Variants in PCDHGA9 observed in about 807,000 individuals in gnomAD.
PCDHGA9 encodes protocadherin gamma subfamily A, 9.
Under a neutral mutation model 62.5 loss-of-function variants are expected in PCDHGA9, and 37 were observed. That is an observed-to-expected ratio of 0.59 (90% CI 0.46 to 0.78). The LOEUF is 0.78. PCDHGA9 is among the 30% of genes least tolerant of loss of function. PCDHGA9 has a pLI of 0.00. For missense variants in PCDHGA9, 1,138 were observed against 1,166.2 expected (o/e 0.98, Z 0.35); for synonymous variants, 459 against 484.6 (o/e 0.95, Z 0.69).
At chr5:141,410,818 T>C (rs567397835) in intron 1 of PCDHGA9, 1 of 556,016 alleles carries the variant, frequency 1.8e-6, no homozygotes, top group African/African-American at 2.1e-5. Context: ...TGTAAAATAA[T>C]GTCACCAGAC....
In PCDHGA9 at chr5:141,485,115, G is replaced by T. The variant is rs1043877839; in HGVS notation, c.2425-9692G>T. On this transcript the variant is annotated intron_variant, in intron 1 of 3. Transcript: ENST00000573521. This position sits in a 1 kb window ranked among gnomAD's most constrained non-coding sequence, Gnocchi z 5.7. ...GTGTCTCCAGCTGCTGTGGCTGTTT[G>T]GGGCGGGTCGGCTTCATCCGCGTCT... The T allele has an allele frequency of 3.8e-6, 5 of 1,300,464 alleles. No homozygotes were observed. The African/African-American group carries it at 5.8e-5, about 15-fold the overall frequency. The allele number at this position is 1,300,464 out of a possible 1,614,324, so 80.6% of individuals were successfully genotyped here.
rs2096665320 is a variant in PCDHGA9 at position 141,422,696 on chromosome 5, A to G, written c.2424+17320A>G. The G allele has an allele frequency of 3.1e-6, 5 of 1,602,638 alleles. No homozygotes were observed. The highest frequency in any genetic ancestry group is 4.3e-6 in the Non-Finnish European group (5 of 1,174,110). On this transcript the variant is annotated intron_variant, in intron 1 of 3. Coordinates refer to ENST00000573521, the MANE Select transcript of PCDHGA9 (RefSeq NM_018921.3). Reference sequence around the variant, plus strand: ...AGCAAACAGAATGCCCTGGTCACTTACTCTCTGACGGATGACACTGTCCAG... The same window carrying G: ...AGCAAACAGAATGCCCTGGTCACTTGCTCTCTGACGGATGACACTGTCCAG...
chr5:141,468,899 T>C (rs1051519139), intron 1 of PCDHGA9, among the ~76,000 whole-genome samples: 2 of 151,550 alleles, frequency 1.3e-5, no homozygotes, highest in Non-Finnish European at 2.9e-5. Flanking sequence ...GGTACTAATA[T>C]GATCCAGACT....
At chr5:141,510,534 C>T (rs1187165551) in intron 3 of PCDHGA9, among the ~76,000 whole-genome samples, 2 of 152,126 alleles carry the variant, frequency 1.3e-5, no homozygotes, top group African/African-American at 2.4e-5. Context: ...AGAGAAATAC[C>T]AGCGAATGTG....
rs934674909 is a variant in PCDHGA9, at chr5:141,511,083, A to C, written c.2709A>C (p.Thr903=). Residue 903 remains threonine, a synonymous_variant, in exon 4 of 4, where the codon ACA becomes ACC. Transcript: ENST00000573521. The part of the protein sequence containing the change: ...QNVYIPGSNA[T]LTNAAGKRDG... Reference sequence around the variant, plus strand: ...TCTACATCCCAGGCAGCAATGCCACACTGACCAACGCAGCTGGCAAGCGGG... The same window carrying C: ...TCTACATCCCAGGCAGCAATGCCACCCTGACCAACGCAGCTGGCAAGCGGG... 1.2e-6 allele frequency: 2 copies of C among 1,614,108 alleles called. No homozygotes were observed. Among genetic ancestry groups the C allele is most frequent in the African/African-American group, 2.7e-5 (2 of 74,940 alleles).
intron 1 of PCDHGA9, among the ~76,000 whole-genome samples, chr5:141,450,061 C>A (rs1219642208): frequency 7.2e-6 from 1 of 139,334 alleles, no homozygotes; most frequent in Non-Finnish European, 1.5e-5. Context: ...GGCTGGAATG[C>A]AGTGGTATGA....
intron 1 of PCDHGA9, among the ~76,000 whole-genome samples, chr5:141,434,345 G>C (rs1254991411): frequency 1.3e-5 from 2 of 152,144 alleles, no homozygotes; most frequent in African/African-American, 4.8e-5. Flanking sequence ...GTCGGGAACA[G>C]GCCCCCCAAA....
At chr5:141,413,498 T>G (rs1187570193) in intron 1 of PCDHGA9, 1 of 1,614,026 alleles carries the variant, frequency 6.2e-7, no homozygotes, top group Admixed American at 1.7e-5. Context: ...CGGTGCGTGG[T>G]GAGTTTTAAT....
Position 141,408,587 on chromosome 5 carries a change from C to A in PCDHGA9, c.2424+3211C>A, listed in dbSNP as rs768912219. 3 of 1,613,898 alleles carry A rather than the reference C, an allele frequency of 1.9e-6. No homozygotes were observed. The South Asian group carries it at 3.3e-5, about 18-fold the overall frequency. ...TGTGGTGATTGAGGATGTTAATGACCACGCCCCTCAATTTGATAAAAAGGA... is the reference window on the plus strand; with the variant it reads ...TGTGGTGATTGAGGATGTTAATGACAACGCCCCTCAATTTGATAAAAAGGA... On this transcript the variant is annotated intron_variant, in intron 1 of 3. Transcript: ENST00000573521.
intron 2 of PCDHGA9, among the ~76,000 whole-genome samples, chr5:141,498,971 G>GGGAAGGAA (rs201769957): frequency 0.022 from 2,449 of 111,032 alleles, 52 homozygotes; most frequent in African/African-American, 0.046. Flanking sequence ...GAGGGAGGGA[G>GGGAAGGAA]GGAAGGAAGG....
chr5:141,460,157 C>T (rs1388985005), intron 1 of PCDHGA9, among the ~76,000 whole-genome samples: 1 of 151,968 alleles, frequency 6.6e-6, no homozygotes, highest in Admixed American at 6.6e-5. Context: ...CTCTTTGTCA[C>T]ATACATATTT....
intron 1 of PCDHGA9, among the ~76,000 whole-genome samples, chr5:141,405,839 G>C (rs2094725144): frequency 6.6e-6 from 1 of 152,134 alleles, no homozygotes; most frequent in African/African-American, 2.4e-5. Context: ...AGTATAAGTT[G>C]ATATCAGTGT....
intron 1 of PCDHGA9, among the ~76,000 whole-genome samples, chr5:141,460,983 G>GTA (rs59296681): frequency 9.4e-4 from 130 of 137,840 alleles, no homozygotes; most frequent in Middle Eastern, 3.8e-3. Context: ...GTGTGTGTGT[G>GTA]TATATATATA....
rs768938171 is a variant in PCDHGA9 at position 141,487,276 on chromosome 5, C to T, written c.2425-7531C>T. ...TGGCTGTGTCCCTAGTGGCAATTTG[C>T]TTTGTCTCCTTTGGCTCATTCGTGG... On this transcript the variant is annotated intron_variant, in intron 1 of 3. Transcript: ENST00000573521. The surrounding 1 kb of genome is among the most constrained non-coding windows in gnomAD (Gnocchi z 5.0). The T allele has an allele frequency of 2.5e-6, 4 of 1,614,158 alleles. No homozygotes were observed. The East Asian group carries it at 8.9e-5, about 36-fold the overall frequency.
chr5:141,409,259 T>C lies in PCDHGA9; in HGVS notation c.2424+3883T>C, dbSNP rs370130162. ...CCCAGAAATAATCATCACTTCTCTC[T>C]CTGATCAGATTTTGGAGAATTCACC... is the stretch of plus-strand genomic sequence containing the variant. On this transcript the variant is annotated intron_variant, in intron 1 of 3. Coordinates refer to ENST00000573521, the MANE Select transcript of PCDHGA9 (RefSeq NM_018921.3). The C allele has an allele frequency of 1.9e-6, 3 of 1,614,012 alleles. No individual in the cohort carries two copies. Among genetic ancestry groups the C allele is most frequent in the South Asian group, 2.2e-5 (2 of 91,082 alleles).
In PCDHGA9 at chr5:141,477,531, C is replaced by T. The variant is rs1316982512; in HGVS notation, c.2425-17276C>T. 5 of 1,614,162 alleles carry T rather than the reference C, an allele frequency of 3.1e-6. No homozygotes were observed. Among genetic ancestry groups the T allele is most frequent in the Middle Eastern group, 1.6e-4 (1 of 6,062 alleles). On this transcript the variant is annotated intron_variant, in intron 1 of 3. Transcript: ENST00000573521. This position sits in a 1 kb window ranked among gnomAD's most constrained non-coding sequence, Gnocchi z 4.9. ...GTTTACATTGAAGAAAACAACCTCC[C>T]CGGGGCTCCAATACTAAACCTAAGT... is the stretch of plus-strand genomic sequence containing the variant.
chr5:141,485,109 CTGTT>C lies in PCDHGA9; in HGVS notation c.2425-9695_2425-9692del. ...AGATAGGTGTCTCCAGCTGCTGTGG[CTGTT>C]TGGGGCGGGTCGGCTTCATCCGCGT... On this transcript the variant is annotated intron_variant, in intron 1 of 3. Transcript: ENST00000573521. This position sits in a 1 kb window ranked among gnomAD's most constrained non-coding sequence, Gnocchi z 5.7. 8.1e-7 allele frequency: 1 copy of C among 1,230,964 alleles called. No individual in the cohort carries two copies. Among genetic ancestry groups the C allele is most frequent in the Non-Finnish European group, 1.2e-6 (1 of 850,026 alleles). The allele number at this position is 1,230,964 out of a possible 1,614,324, so 76.3% of individuals were successfully genotyped here.
intron 1 of PCDHGA9, chr5:141,427,834 C>A: frequency 6.5e-7 from 1 of 1,542,566 alleles, no homozygotes; most frequent in Non-Finnish European, 8.9e-7. Flanking sequence ...GCGCAGCGTG[C>A]CTTCGACCAC....
Position 141,491,699 on chromosome 5 carries a change from A to G in PCDHGA9, c.2425-3108A>G. The G allele has an allele frequency of 6.2e-7, 1 of 1,612,008 alleles. No individual in the cohort carries two copies. The highest frequency in any genetic ancestry group is 1.1e-5 in the South Asian group (1 of 90,926). ...TCTAATACGCTGCGGGAGCGGAGCC[A>G]GGTGAGGGGCTCGGCGCCGCCCCGG... On this transcript the variant is annotated intron_variant, in intron 1 of 3. Transcript: ENST00000573521. The surrounding 1 kb of genome is among the most constrained non-coding windows in gnomAD (Gnocchi z 6.9).
Sources: allele counts gnomAD v4.1 joint callset (sites outside exome capture counted in the v4.1 genomes callset), GRCh38; gene constraint gnomAD v4.1.1; non-coding constraint Gnocchi (gnomAD v3.1); transcripts MANE v1.5; gene names NCBI Gene and HGNC (gene_info 2026-07-23, HGNC 2026-07-21).